Variants in NGEF observed in about 807,000 individuals in gnomAD.
NGEF encodes neuronal guanine nucleotide exchange factor.
In NGEF, 31 loss-of-function variants were observed where a neutral mutation model predicts 80.9. The ratio of observed to expected loss-of-function variants is 0.38; its 90% confidence interval spans 0.29 to 0.52. The LOEUF is 0.52. NGEF is among the 20% of genes least tolerant of loss of function. The pLI is 0.84. For missense variants in NGEF, 709 were observed against 926.2 expected, an observed-to-expected ratio of 0.77 and a Z score of 3.04; for synonymous variants, 371 against 370.2, an observed-to-expected ratio of 1.00 and a Z score of -0.03.
chr2:233,011,080 T>C (rs1300030429), intron 1 of NGEF, among the ~76,000 whole-genome samples: 4 of 151,910 alleles, frequency 2.6e-5, no homozygotes, highest in Admixed American at 2.0e-4. Flanking sequence ...CCTATCACCG[T>C]TGTTGGGGTG....
chr2:232,923,423 G>C (rs889287653), intron 4 of NGEF, among the ~76,000 whole-genome samples: 1 of 152,116 alleles, frequency 6.6e-6, no homozygotes, highest in Non-Finnish European at 1.5e-5. Context: ...AGAGAAGTGA[G>C]TGAAGGTTGA....
chr2:232,922,724 A>T (rs1238732464), intron 4 of NGEF, among the ~76,000 whole-genome samples: 2 of 152,264 alleles, frequency 1.3e-5, no homozygotes, highest in Admixed American at 6.5e-5. Flanking sequence ...TGCATAGTGC[A>T]GCGTCTCCTA....
chr2:232,968,620 G>A (rs2106319419), intron 3 of NGEF, among the ~76,000 whole-genome samples: 1 of 152,102 alleles, frequency 6.6e-6, no homozygotes, highest in South Asian at 2.1e-4. Flanking sequence ...TGGATAGGCT[G>A]GTCTCGAACT....
intron 2 of NGEF, among the ~76,000 whole-genome samples, chr2:232,971,362 G>A (rs116173021): frequency 1.3e-3 from 201 of 152,280 alleles, no homozygotes; most frequent in African/African-American, 4.5e-3. Flanking sequence ...TTCGCTCCAA[G>A]GAGGTGACAT....
At chr2:232,914,454 G>C (rs542374114) in intron 5 of NGEF, among the ~76,000 whole-genome samples, 1 of 152,322 alleles carries the variant, frequency 6.6e-6, no homozygotes, top group East Asian at 1.9e-4. Flanking sequence ...ACCTGTCTCA[G>C]CACTTTGGGA....
intron 3 of NGEF, among the ~76,000 whole-genome samples, chr2:232,954,706 T>C (rs1484452468): frequency 4.3e-5 from 6 of 139,652 alleles, no homozygotes; most frequent in South Asian, 2.3e-4. Flanking sequence ...GCCTGGGTGA[T>C]AGAGCGAGAC....
chr2:232,978,058 A>G (rs1694333344), intron 1 of NGEF, among the ~76,000 whole-genome samples: 1 of 151,966 alleles, frequency 6.6e-6, no homozygotes, highest in Non-Finnish European at 1.5e-5. Context: ...AAGTTTGTGG[A>G]CAGAAATCCC....
At chr2:232,907,441 C>G (rs1425984859) in intron 5 of NGEF, among the ~76,000 whole-genome samples, 3 of 152,158 alleles carry the variant, frequency 2.0e-5, no homozygotes, top group African/African-American at 7.2e-5. Context: ...ACAGAAGTCA[C>G]TGATTTGGAA....
intron 10 of NGEF, among the ~76,000 whole-genome samples, chr2:232,884,552 C>G (rs1380616093): frequency 1.3e-5 from 2 of 152,220 alleles, no homozygotes; most frequent in Non-Finnish European, 2.9e-5. Context: ...TTGCCCCCAC[C>G]AAGCTCTGCC....
At chr2:232,966,258 C>T (rs1694057187) in intron 3 of NGEF, among the ~76,000 whole-genome samples, 1 of 152,156 alleles carries the variant, frequency 6.6e-6, no homozygotes, top group Non-Finnish European at 1.5e-5. Context: ...ACCACAATTC[C>T]TTGGCATGTG....
chr2:232,990,951 T>C (rs1164366391), intron 1 of NGEF, among the ~76,000 whole-genome samples: 1 of 152,098 alleles, frequency 6.6e-6, no homozygotes, highest in Non-Finnish European at 1.5e-5. Flanking sequence ...TAGTGTAATA[T>C]ACCATACGAA....
At chr2:232,951,843 T>C (rs1459193284) in intron 3 of NGEF, among the ~76,000 whole-genome samples, 1 of 152,190 alleles carries the variant, frequency 6.6e-6, no homozygotes, top group Non-Finnish European at 1.5e-5. Flanking sequence ...GGTACTGCTA[T>C]AGTCAATGTA....
chr2:232,995,084 ACAG>A (rs1180837296), intron 1 of NGEF, among the ~76,000 whole-genome samples: 7 of 26,732 alleles, frequency 2.6e-4, no homozygotes, highest in South Asian at 1.5e-3. Context: ...GTATATGTGT[ACAG>A]TATGTATATG....
intron 5 of NGEF, among the ~76,000 whole-genome samples, chr2:232,917,472 C>CTTT (rs11407721): frequency 4.8e-5 from 7 of 144,696 alleles, no homozygotes; most frequent in Non-Finnish European, 9.1e-5. Flanking sequence ...TAAAACTTTT[C>CTTT]TTTTTTTTTT....
At chr2:232,992,870 G>C (rs1052509447) in intron 1 of NGEF, among the ~76,000 whole-genome samples, 48 of 150,368 alleles carry the variant, frequency 3.2e-4, no homozygotes, top group African/African-American at 1.1e-3. Flanking sequence ...ACCTGTAGTT[G>C]CAGCTATTCA....
chr2:232,901,059 A>T (rs773188117), intron 5 of NGEF, among the ~76,000 whole-genome samples: 6 of 152,250 alleles, frequency 3.9e-5, no homozygotes, highest in Non-Finnish European at 7.3e-5. Flanking sequence ...AGGAACCAGG[A>T]CACCAAGAAA....
In NGEF at chr2:232,879,284, G is replaced by C. The variant is rs1376729804; in HGVS notation, c.*205C>G. 5.4e-6 allele frequency: 3 copies of C among 556,516 alleles called. No homozygotes were observed. Among genetic ancestry groups the C allele is most frequent in the Non-Finnish European group, 9.6e-6 (3 of 313,798 alleles). The allele number at this position is 556,516 out of a possible 1,614,324, so 34.5% of individuals were successfully genotyped here. ...TCTTGTTTACAAATGCATCAGGAGAGGCTTGGGCACCCTTTATCCAGTTTG... is the reference window on the plus strand; with the variant it reads ...TCTTGTTTACAAATGCATCAGGAGACGCTTGGGCACCCTTTATCCAGTTTG... On this transcript the variant is annotated 3_prime_UTR_variant, in exon 15 of 15. Transcript: ENST00000264051.
chr2:232,920,377 G>A lies in NGEF; in HGVS notation c.735C>T (p.Pro245=). Residue 245 remains proline (P), a synonymous_variant, in exon 5 of 15, where the codon CCC becomes CCT. Transcript: ENST00000264051. ...TLPQICLLSN[P]HSRFNLWQDL... is the part of the protein sequence containing the mutation. ...CCTGCCAGAGGTTGAACCTTGAGTGGGGGTTACTGAGCAGGCAGATCTGGG... is the reference window on the plus strand; with the variant it reads ...CCTGCCAGAGGTTGAACCTTGAGTGAGGGTTACTGAGCAGGCAGATCTGGG... 1 of 1,614,168 alleles carries A rather than the reference G, an allele frequency of 6.2e-7. No individual in the cohort carries two copies. Among genetic ancestry groups the A allele is most frequent in the South Asian group, 1.1e-5 (1 of 91,068 alleles).
chr2:232,892,006 G>A lies in NGEF; in HGVS notation c.1143-519C>T, dbSNP rs1005360918. Among the ~76,000 whole-genome samples the A allele has an allele frequency of 6.6e-5, 10 of 152,104 alleles. No individual in the cohort carries two copies. The highest frequency in any genetic ancestry group is 2.4e-4 in the African/African-American group (10 of 41,400). On this transcript the variant is annotated intron_variant, in intron 7 of 14. Coordinates refer to ENST00000264051, the MANE Select transcript of NGEF (RefSeq NM_019850.3). This position sits in a 1 kb window ranked among gnomAD's most constrained non-coding sequence, Gnocchi z 4.0. ...CAGGGACAGCAGGGACAGCAGGGAC[G>A]GCAGGGACAGGTGCTCAGCCTGTCA...
Sources: allele counts gnomAD v4.1 joint callset (sites outside exome capture counted in the v4.1 genomes callset), GRCh38; gene constraint gnomAD v4.1.1; non-coding constraint Gnocchi (gnomAD v3.1); transcripts MANE v1.5; gene names NCBI Gene and HGNC (gene_info 2026-07-23, HGNC 2026-07-21).